The following PFKFB2 variants were observed in gnomAD, a reference collection of about 807,000 sequenced individuals.
The protein encoded by PFKFB2 is 6-phosphofructo-2-kinase/fructose-2,6-biphosphatase 2.
In PFKFB2, 53 loss-of-function variants were observed where a neutral mutation model predicts 68.0. The ratio of observed to expected loss-of-function variants is 0.78; its 90% CI spans 0.63 to 0.98. The LOEUF (loss-of-function observed/expected upper bound fraction) is 0.98, where lower values mean the gene tolerates loss of function less well. PFKFB2 is among the 50% of genes least tolerant of loss of function. The pLI, the probability that PFKFB2 is intolerant of heterozygous loss-of-function variation, is 0.00. For missense variants in PFKFB2, 451 were observed against 642.0 expected (o/e 0.70, Z 3.22); for synonymous variants, 222 against 227.6 (o/e 0.98, Z 0.22).
At chr1:207,050,647 T>A, upstream of PFKFB2, 2 of 1,604,758 alleles carry the variant, frequency 1.2e-6, no homozygotes, top group Non-Finnish European at 1.7e-6. Flanking sequence ...CCCCTCTCCA[T>A]CCTCCCGGGA....
intron 7 of PFKFB2, among the ~76,000 whole-genome samples, chr1:207,064,785 G>A (rs1471378277): frequency 6.6e-6 from 1 of 151,928 alleles, no homozygotes; most frequent in Non-Finnish European, 1.5e-5. Flanking sequence ...AGCAGCTTTG[G>A]CTGCGTGACT....
chr1:207,064,213 G>A (rs1028293052), intron 7 of PFKFB2, among the ~76,000 whole-genome samples: 53 of 152,010 alleles, frequency 3.5e-4, no homozygotes, highest in African/African-American at 1.2e-3. Context: ...TTGGGAGGCC[G>A]AGGCAAGTGG....
Position 207,076,797 on chromosome 1 carries a change from G to C in PFKFB2, c.*4426G>C. On this transcript the variant is annotated 3_prime_UTR_variant, in exon 15 of 15. Coordinates refer to ENST00000367080, the MANE Select transcript of PFKFB2 (RefSeq NM_006212.2). ...GTGTCTGTGTGCTGACTGATAGATAGACTATAGTAAAATTTGGGTGTTGCC... is the reference window on the plus strand; with the variant it reads ...GTGTCTGTGTGCTGACTGATAGATACACTATAGTAAAATTTGGGTGTTGCC... 1 of 985,356 alleles carries C rather than the reference G, an allele frequency of 1.0e-6. No homozygotes were observed. The highest frequency in any genetic ancestry group is 1.2e-6 in the Non-Finnish European group (1 of 829,888). 61.0% of individuals were successfully genotyped at this position (985,356 alleles called of 1,614,324 possible). A position where few individuals can be genotyped will look rare whatever the true frequency, so the allele number is the denominator to read the frequency against.
chr1:207,043,346 G>A (rs1383496572), intron 2 of PFKFB2, among the ~76,000 whole-genome samples: 1 of 152,052 alleles, frequency 6.6e-6, no homozygotes, highest in Non-Finnish European at 1.5e-5. Context: ...ATACTTCCAC[G>A]TCCATAATTT....
intron 13 of PFKFB2, 93 bp downstream of exon 13, chr1:207,071,343 T>C (rs1683459856): frequency 8.4e-7 from 1 of 1,194,296 alleles, no homozygotes; most frequent in Middle Eastern, 1.9e-4. Context: ...TCATTATCCC[T>C]ATATACCAGG....
chr1:207,047,086 C>T (rs1682617197), intron 2 of PFKFB2: 3 of 152,420 alleles, frequency 2.0e-5, no homozygotes, highest in African/African-American at 7.2e-5. Context: ...AAAAAAGATA[C>T]AAAACCAAAA....
chr1:207,073,052 C>T lies in PFKFB2; in HGVS notation c.*681C>T. On this transcript the variant is annotated 3_prime_UTR_variant, in exon 15 of 15. Coordinates refer to ENST00000367080, the MANE Select transcript of PFKFB2 (RefSeq NM_006212.2). Reference sequence around the variant, plus strand: ...CCTCTCCAGCCAGGTCCTGTAAGGGCCAGCCCAGACTACAGGACATCCACA... The same window carrying T: ...CCTCTCCAGCCAGGTCCTGTAAGGGTCAGCCCAGACTACAGGACATCCACA... 1 of 985,482 alleles carries T rather than the reference C, an allele frequency of 1.0e-6. No homozygotes were observed. The allele number at this position is 985,482 out of a possible 1,614,324, so 61.0% of individuals were successfully genotyped here.
At chr1:207,079,229 C>T, downstream of PFKFB2, 1 of 591,464 alleles carries the variant, frequency 1.7e-6, no homozygotes, top group East Asian at 2.8e-5. Flanking sequence ...CTTCCCTGTG[C>T]CTCAAAACAT....
At chr1:207,066,336 T>C (rs1256159021) in intron 8 of PFKFB2, among the ~76,000 whole-genome samples, 1 of 152,262 alleles carries the variant, frequency 6.6e-6, no homozygotes, top group Non-Finnish European at 1.5e-5. Flanking sequence ...ATTCACATAA[T>C]ACAGACCTGC....
intron 1 of PFKFB2, among the ~76,000 whole-genome samples, chr1:207,037,452 C>T (rs1020168150): frequency 3.3e-5 from 5 of 152,226 alleles, no homozygotes; most frequent in African/African-American, 1.2e-4. Context: ...TACCTTCTCT[C>T]TTCCATCCAC....
chr1:207,048,976 T>G, upstream of PFKFB2: 4 of 1,558,398 alleles, frequency 2.6e-6, 1 homozygote, highest in Non-Finnish European at 3.5e-6. Flanking sequence ...CAGAGCCTTC[T>G]GGATGTGTGA....
rs1226091259 is a variant in PFKFB2, at chr1:207,075,155, T to C, written c.*2784T>C. The C allele has an allele frequency of 2.3e-5, 23 of 985,500 alleles. No individual in the cohort carries two copies. Among genetic ancestry groups the C allele is most frequent in the Non-Finnish European group, 2.8e-5 (23 of 829,956 alleles). The allele number at this position is 985,500 out of a possible 1,614,324, so 61.0% of individuals were successfully genotyped here. ...GCAAAAGGGGACTTCTCTAACAAGC[T>C]AGCATTGTGTTAACCTGTCATTAAC... On this transcript the variant is annotated 3_prime_UTR_variant, in exon 15 of 15. Transcript: ENST00000367080.
upstream of PFKFB2, chr1:207,050,870 T>C: frequency 1.2e-6 from 2 of 1,611,276 alleles, no homozygotes; most frequent in South Asian, 1.1e-5. Context: ...GGTGCCGTCC[T>C]TGGCCTTGCA....
chr1:207,051,141 C>T (rs1033669846), upstream of PFKFB2: 6 of 1,421,970 alleles, frequency 4.2e-6, no homozygotes, highest in Non-Finnish European at 5.5e-6. Flanking sequence ...TTTCCCCCAC[C>T]CTCAGAACGA....
At chr1:207,034,531 G>A (rs970484278) in intron 1 of PFKFB2, 15 of 152,188 alleles carry the variant, frequency 9.9e-5, no homozygotes, top group African/African-American at 3.6e-4. Flanking sequence ...TAACTTCCAA[G>A]AGGATAGTAG....
Position 207,073,081 on chromosome 1 carries a change from T to A in PFKFB2, c.*710T>A, listed in dbSNP as rs1683516358. 2.0e-6 allele frequency: 2 copies of A among 985,390 alleles called. No homozygotes were observed. The highest frequency in any genetic ancestry group is 9.4e-5 in the South Asian group (2 of 21,294). 61.0% of individuals were successfully genotyped at this position (985,390 alleles called of 1,614,324 possible). A position where few individuals can be genotyped will look rare whatever the true frequency, so the allele number is the denominator to read the frequency against. On this transcript the variant is annotated 3_prime_UTR_variant, in exon 15 of 15. Transcript: ENST00000367080. The stretch of plus-strand genomic sequence containing the variant: ...CCCAGACTACAGGACATCCACAGAA[T>A]ATTCTGGAGCTTGCAAGTAGACATA...
Position 207,073,504 on chromosome 1 carries a change from A to C in PFKFB2, c.*1133A>C. 4.1e-6 allele frequency: 4 copies of C among 985,386 alleles called. No homozygotes were observed. The highest frequency in any genetic ancestry group is 4.8e-6 in the Non-Finnish European group (4 of 829,848). The allele number at this position is 985,386 out of a possible 1,614,324, so 61.0% of individuals were successfully genotyped here. A position where few individuals can be genotyped will look rare whatever the true frequency, so the allele number is the denominator to read the frequency against. On this transcript the variant is annotated 3_prime_UTR_variant, in exon 15 of 15. Transcript: ENST00000367080. ...TGAATAATTTCAGCACACTGTCCTT[A>C]AGAAGAAAGAAACATCAAAACAAAA...
intron 1 of PFKFB2, among the ~76,000 whole-genome samples, chr1:207,037,657 C>T (rs929357518): frequency 4.6e-5 from 7 of 152,206 alleles, no homozygotes; most frequent in Non-Finnish European, 1.0e-4. Context: ...TTCCATGAAT[C>T]AGTAAATGTC....
At chr1:207,048,949 T>C, upstream of PFKFB2, 2 of 1,383,132 alleles carry the variant, frequency 1.4e-6, no homozygotes, top group Non-Finnish European at 2.0e-6. Flanking sequence ...AGGGTTACCA[T>C]AGCTTATTGG....
Sources: gnomAD v4.1 joint callset for allele counts (sites outside exome capture counted in the v4.1 genomes callset) on GRCh38, gnomAD v4.1.1 for gene constraint, MANE v1.5 for transcripts, NCBI Gene and HGNC (gene_info 2026-07-23, HGNC 2026-07-21) for gene names.